Variants in RNF217 observed in about 807,000 individuals in gnomAD.
RNF217 encodes ring finger protein 217, also known as E3 ubiquitin-protein ligase RNF217.
In RNF217, 31 loss-of-function variants were observed where a neutral mutation model predicts 57.8. That is an observed-to-expected ratio of 0.54 (90% confidence interval 0.40 to 0.72). The LOEUF is 0.72. Among genes scored for constraint, RNF217 ranks in the 30% least tolerant of loss-of-function variants. RNF217 has a pLI of 0.00. For synonymous variants in RNF217, 313 were observed against 294.0 expected (o/e 1.06, Z -0.66); for missense variants, 696 against 708.3 (o/e 0.98, Z 0.20).
chr6:125,047,469 C>T (rs548091313), intron 2 of RNF217, among the ~76,000 whole-genome samples: 69 of 152,020 alleles, frequency 4.5e-4, no homozygotes, highest in Non-Finnish European at 7.1e-4. Flanking sequence ...TAATTTTGAG[C>T]GAGCCCATGG....
chr6:124,976,587 A>G (rs776643846), intron 1 of RNF217, among the ~76,000 whole-genome samples: 8 of 147,940 alleles, frequency 5.4e-5, no homozygotes, highest in Non-Finnish European at 1.2e-4. Flanking sequence ...ATTTTTTTAG[A>G]TAGATTCTTC....
At chr6:125,019,150 A>C (rs1244568176) in intron 1 of RNF217, among the ~76,000 whole-genome samples, 1 of 152,198 alleles carries the variant, frequency 6.6e-6, no homozygotes, top group African/African-American at 2.4e-5. Flanking sequence ...TTCCTACTGC[A>C]TCTCTCTTAA....
intron 3 of RNF217, 25 bp downstream of exon 3, chr6:125,058,131 G>A (rs1562489346): frequency 2.1e-5 from 34 of 1,585,512 alleles, no homozygotes; most frequent in Middle Eastern, 3.4e-4. Context: ...AGGAGGAAAA[G>A]AAAAAACATG....
At chr6:125,047,697 A>G (rs1787149583) in intron 2 of RNF217, among the ~76,000 whole-genome samples, 2 of 151,942 alleles carry the variant, frequency 1.3e-5, no homozygotes, top group Non-Finnish European at 2.9e-5. Context: ...TCCTCAGATC[A>G]ACATCTTAAA....
chr6:125,029,392 C>T (rs1356315474), intron 1 of RNF217, among the ~76,000 whole-genome samples: 1 of 152,112 alleles, frequency 6.6e-6, no homozygotes, highest in Non-Finnish European at 1.5e-5. Flanking sequence ...CTACACTAAA[C>T]AGCATTTTAT....
intron 1 of RNF217, among the ~76,000 whole-genome samples, chr6:124,984,854 A>G (rs1347785608): frequency 6.6e-6 from 1 of 152,284 alleles, no homozygotes; most frequent in African/African-American, 2.4e-5. Flanking sequence ...CTGCAGGGGG[A>G]AAATGATACT....
intron 4 of RNF217, among the ~76,000 whole-genome samples, chr6:125,080,266 T>C (rs1188285756): frequency 1.3e-5 from 2 of 152,090 alleles, no homozygotes; most frequent in Non-Finnish European, 2.9e-5. Flanking sequence ...GCAAAAAATA[T>C]AAATAAAACC....
chr6:125,002,939 A>G (rs1473995513), intron 1 of RNF217, among the ~76,000 whole-genome samples: 1 of 152,200 alleles, frequency 6.6e-6, no homozygotes, highest in Non-Finnish European at 1.5e-5. Context: ...AAATCAGAGC[A>G]ACCAGGATGC....
chr6:125,059,249 T>G (rs1011901056), intron 3 of RNF217, among the ~76,000 whole-genome samples: 26 of 152,192 alleles, frequency 1.7e-4, no homozygotes, highest in Admixed American at 1.2e-3. Context: ...CTAAAGATAT[T>G]TGGCCTAAAG....
chr6:124,995,144 T>C (rs1419740849), intron 1 of RNF217, among the ~76,000 whole-genome samples: 1 of 152,230 alleles, frequency 6.6e-6, no homozygotes, highest in East Asian at 1.9e-4. Flanking sequence ...TCTTCATCCA[T>C]ATTTTATTAA....
chr6:125,082,770 T>G (rs1788622296), intron 5 of RNF217, 94 bp from the exon 6 acceptor site: 8 of 1,137,896 alleles, frequency 7.0e-6, no homozygotes, highest in Non-Finnish European at 1.0e-5. Flanking sequence ...CTTTGTATGT[T>G]CGTACACTGC....
chr6:125,059,900 A>G lies in RNF217; in HGVS notation c.1281+1794A>G, dbSNP rs1787667144. ...GAAAAGAACCATGGAATCAGTGGAC[A>G]TTATTACATTGTAGCAGAGAGCCTA... On this transcript the variant is annotated intron_variant, in intron 3 of 5. Transcript: ENST00000521654. Among the ~76,000 whole-genome samples, 4 of 152,146 alleles carry G rather than the reference A, an allele frequency of 2.6e-5. No individual in the cohort carries two copies. In the South Asian group the frequency reaches 8.3e-4, roughly 31 times the overall value.
intron 3 of RNF217, among the ~76,000 whole-genome samples, chr6:125,074,381 T>C (rs2114636779): frequency 6.6e-6 from 1 of 152,124 alleles, no homozygotes; most frequent in Middle Eastern, 3.4e-3. Context: ...GAGAGAGGTG[T>C]TATCTTTTAA....
chr6:125,070,952 C>A (rs993162822), intron 3 of RNF217, among the ~76,000 whole-genome samples: 1 of 151,974 alleles, frequency 6.6e-6, no homozygotes, highest in Non-Finnish European at 1.5e-5. Flanking sequence ...TACTTGTGGG[C>A]AGATGTATAC....
At chr6:125,048,086 A>T in intron 2 of RNF217, 1 of 661,394 alleles carries the variant, frequency 1.5e-6, no homozygotes, top group Non-Finnish European at 2.3e-6. Flanking sequence ...TTCATCATTA[A>T]ACTCTGTGGT....
At chr6:125,022,654 T>A (rs1785889471) in intron 1 of RNF217, among the ~76,000 whole-genome samples, 1 of 152,160 alleles carries the variant, frequency 6.6e-6, no homozygotes, top group Non-Finnish European at 1.5e-5. Flanking sequence ...AAACCAGTGA[T>A]CAAGGCCAAT....
At chr6:124,985,092 A>C (rs1183714420) in intron 1 of RNF217, among the ~76,000 whole-genome samples, 2 of 152,200 alleles carry the variant, frequency 1.3e-5, no homozygotes, top group Non-Finnish European at 2.9e-5. Flanking sequence ...CTAATAGGAT[A>C]ATTTAAATCA....
At position 125,071,482 on chromosome 6, in the gene RNF217, ATATG is replaced by A. The variant is rs1183522436; in HGVS notation, c.1282-5173_1282-5170del. Reference sequence around the variant, plus strand: ...TTTTCAACTTGGAGCATCTGCCTACATATGTGTGTGTGTGTGTGTGTGTGTGTGT... The same window carrying A: ...TTTTCAACTTGGAGCATCTGCCTACATGTGTGTGTGTGTGTGTGTGTGTGT... On this transcript the variant is annotated intron_variant, in intron 3 of 5. Transcript: ENST00000521654. 6.5e-4 allele frequency among the ~76,000 whole-genome samples: 80 copies of A among 122,366 alleles called. 1 individual carries two copies. The South Asian group carries it at 0.012, about 19-fold the overall frequency. The allele number at this position is 122,366 out of a possible 152,430, so 80.3% of individuals were successfully genotyped here.
At chr6:125,008,252 T>A (rs1312235031) in intron 1 of RNF217, among the ~76,000 whole-genome samples, 5 of 146,636 alleles carry the variant, frequency 3.4e-5, no homozygotes, top group African/African-American at 1.4e-4. Context: ...TAAGACTCTG[T>A]CTCAAAAAAA....
Sources: gnomAD v4.1 joint callset for allele counts (sites outside exome capture counted in the v4.1 genomes callset) on GRCh38, gnomAD v4.1.1 for gene constraint, MANE v1.5 for transcripts, NCBI Gene and HGNC (gene_info 2026-07-23, HGNC 2026-07-21) for gene names.